The following PLXDC2 variants were observed in gnomAD, a reference collection of about 807,000 sequenced individuals.
PLXDC2 encodes plexin domain-containing protein 2.
A neutral mutation model predicts 68.9 loss-of-function variants in PLXDC2; 40 were observed. The observed-to-expected ratio is 0.58, with a 90% CI of 0.45 to 0.76. The LOEUF is 0.76. PLXDC2 is among the 30% of genes least tolerant of loss of function. PLXDC2 has a pLI of 0.00. For missense variants in PLXDC2, 644 were observed against 661.9 expected (o/e 0.97, Z 0.30); for synonymous variants, 243 against 234.2 (o/e 1.04, Z -0.34).
intron 4 of PLXDC2, among the ~76,000 whole-genome samples, chr10:20,076,755 C>T (rs1174184659): frequency 6.6e-6 from 1 of 152,108 alleles, no homozygotes; most frequent in Non-Finnish European, 1.5e-5. Context: ...CTGGCTCAAC[C>T]ACTGATGTCT....
intron 4 of PLXDC2, among the ~76,000 whole-genome samples, chr10:20,122,522 C>T (rs111441769): frequency 6.6e-6 from 1 of 152,176 alleles, no homozygotes; most frequent in Non-Finnish European, 1.5e-5. Context: ...GTTGGACAGT[C>T]CGATTTCCAG....
At chr10:19,986,411 A>G (rs1284797702) in intron 1 of PLXDC2, among the ~76,000 whole-genome samples, 1 of 152,162 alleles carries the variant, frequency 6.6e-6, no homozygotes, top group Non-Finnish European at 1.5e-5. Context: ...TTTAAGGTTT[A>G]TACAAATACA....
At chr10:20,049,261 A>G (rs2131685617) in intron 3 of PLXDC2, among the ~76,000 whole-genome samples, 1 of 152,258 alleles carries the variant, frequency 6.6e-6, no homozygotes, top group East Asian at 1.9e-4. Flanking sequence ...ATTATACCGA[A>G]TGGGCAAAAG....
chr10:19,934,397 T>C (rs1833690092), intron 1 of PLXDC2, among the ~76,000 whole-genome samples: 1 of 152,220 alleles, frequency 6.6e-6, no homozygotes, highest in African/African-American at 2.4e-5. Flanking sequence ...GGTACTTCCG[T>C]GTAATGACCA....
chr10:20,275,292 C>T (rs1835991529), intron 13 of PLXDC2, among the ~76,000 whole-genome samples: 1 of 151,956 alleles, frequency 6.6e-6, no homozygotes, highest in Admixed American at 6.6e-5. Context: ...TGTGGATCCA[C>T]AGCCTCAACA....
chr10:20,222,023 G>C (rs1835219078), intron 12 of PLXDC2, among the ~76,000 whole-genome samples: 1 of 152,144 alleles, frequency 6.6e-6, no homozygotes, highest in Non-Finnish European at 1.5e-5. Flanking sequence ...CAGTAATAAA[G>C]CAGATTGACA....
intron 6 of PLXDC2, among the ~76,000 whole-genome samples, chr10:20,154,576 A>AAAG (rs1210684730): frequency 6.6e-6 from 1 of 151,656 alleles, no homozygotes; most frequent in African/African-American, 2.4e-5. Context: ...AAAAAAAAAA[A>AAAG]AATGTATTTA....
chr10:19,827,789 C>A (rs1436617191), intron 1 of PLXDC2, among the ~76,000 whole-genome samples: 1 of 152,116 alleles, frequency 6.6e-6, no homozygotes, highest in Admixed American at 6.5e-5. Context: ...CAACTCCTGA[C>A]CTCAAGTGAT....
At chr10:20,251,012 G>T (rs1423991989) in intron 13 of PLXDC2, among the ~76,000 whole-genome samples, 1 of 152,134 alleles carries the variant, frequency 6.6e-6, no homozygotes, top group Non-Finnish European at 1.5e-5. Context: ...AAGGAAATGA[G>T]ATAATTAAGC....
intron 1 of PLXDC2, among the ~76,000 whole-genome samples, chr10:19,899,539 C>T (rs1050898048): frequency 6.6e-5 from 10 of 152,094 alleles, no homozygotes; most frequent in African/African-American, 2.2e-4. Flanking sequence ...AATCTTATCA[C>T]GCCTCAGAAA....
At chr10:20,223,408 G>A (rs996730459) in intron 12 of PLXDC2, among the ~76,000 whole-genome samples, 4 of 151,282 alleles carry the variant, frequency 2.6e-5, no homozygotes, top group African/African-American at 7.3e-5. Context: ...TGCCTCCTGG[G>A]TTCAAGCGAT....
chr10:20,283,892 A>C lies in PLXDC2; in HGVS notation c.*4073A>C, dbSNP rs200806283. 1 of 152,290 alleles carries C rather than the reference A, an allele frequency of 6.6e-6. No individual in the cohort carries two copies. Among genetic ancestry groups the C allele is most frequent in the East Asian group, 1.9e-4 (1 of 5,182 alleles). The allele number at this position is 152,290 out of a possible 1,614,324, so 9.4% of individuals were successfully genotyped here. On this transcript the variant is annotated 3_prime_UTR_variant, in exon 14 of 14. Coordinates refer to ENST00000377252, the MANE Select transcript of PLXDC2 (RefSeq NM_032812.9). ...ACATGCAGACTATATAAAGGGAATA[A>C]AATTATTTTAAATTATGCTAATATC... is the stretch of plus-strand genomic sequence containing the variant.
intron 1 of PLXDC2, among the ~76,000 whole-genome samples, chr10:19,859,360 G>A (rs1050943653): frequency 8.5e-5 from 13 of 152,180 alleles, no homozygotes; most frequent in African/African-American, 3.1e-4. Flanking sequence ...CCCCAGAGAC[G>A]GCATTAAATG....
intron 3 of PLXDC2, among the ~76,000 whole-genome samples, chr10:20,066,482 T>C (rs1400177776): frequency 6.6e-6 from 1 of 152,214 alleles, no homozygotes. Flanking sequence ...TGGAAAACAA[T>C]ATAATAAGCA....
At chr10:19,827,623 C>T (rs1478084376) in intron 1 of PLXDC2, among the ~76,000 whole-genome samples, 3 of 151,290 alleles carry the variant, frequency 2.0e-5, no homozygotes, top group Admixed American at 6.6e-5. Flanking sequence ...TGCAGTGGCA[C>T]GATCTTGGCT....
At chr10:20,218,967 C>G (rs77186203) in intron 11 of PLXDC2, 97 bp from the exon 12 acceptor site, 130 of 1,330,464 alleles carry the variant, frequency 9.8e-5, no homozygotes, top group Non-Finnish European at 1.4e-4. Context: ...AGTCATGTTC[C>G]GACCAAGGCA....
chr10:20,012,781 A>C (rs1012763577), intron 2 of PLXDC2, among the ~76,000 whole-genome samples: 7 of 152,236 alleles, frequency 4.6e-5, no homozygotes, highest in African/African-American at 1.7e-4. Flanking sequence ...GTTTAGAATG[A>C]AAAGAGACTG....
At chr10:20,239,143 C>A (rs1347582102) in intron 12 of PLXDC2, among the ~76,000 whole-genome samples, 1 of 152,036 alleles carries the variant, frequency 6.6e-6, no homozygotes, top group Non-Finnish European at 1.5e-5. Context: ...TTGAATTCTT[C>A]TGTGTGTTAC....
intron 2 of PLXDC2, among the ~76,000 whole-genome samples, chr10:20,014,548 G>A (rs1157749371): frequency 6.6e-6 from 1 of 151,316 alleles, no homozygotes; most frequent in Non-Finnish European, 1.5e-5. Context: ...CCTTCTTGAA[G>A]CAGCTATAGC....
Sources: allele counts gnomAD v4.1 joint callset (sites outside exome capture counted in the v4.1 genomes callset), GRCh38; gene constraint gnomAD v4.1.1; transcripts MANE v1.5; gene names NCBI Gene and HGNC (gene_info 2026-07-23, HGNC 2026-07-21).